Variants in TRANK1 observed in about 807,000 individuals in gnomAD.
TRANK1 encodes the protein TPR and ankyrin repeat-containing protein 1.
Under a neutral mutation model 266.0 loss-of-function variants are expected in TRANK1, and 198 were observed. The ratio of observed to expected loss-of-function variants is 0.74; its 90% CI spans 0.66 to 0.84. The LOEUF (loss-of-function observed/expected upper bound fraction) is 0.84. TRANK1 is among the 40% of genes least tolerant of loss of function. TRANK1 has a pLI of 0.00. For synonymous variants in TRANK1, 1,396 were observed against 1,384.1 expected, an observed-to-expected ratio of 1.01 and a Z score of -0.19; for missense variants, 3,326 against 3,634.6, an observed-to-expected ratio of 0.92 and a Z score of 2.18.
At chr3:36,941,163 C>T (rs2080491180) in intron 1 of TRANK1, among the ~76,000 whole-genome samples, 1 of 152,218 alleles carries the variant, frequency 6.6e-6, no homozygotes, top group Non-Finnish European at 1.5e-5. Flanking sequence ...TTGTGCACTA[C>T]TGGCCTGGTT....
chr3:36,844,943 A>G (rs2078895684), intron 17 of TRANK1, among the ~76,000 whole-genome samples: 1 of 152,176 alleles, frequency 6.6e-6, no homozygotes, highest in African/African-American at 2.4e-5. Context: ...CCCTCAAGAA[A>G]GACAACAATT....
At chr3:36,903,359 T>C in intron 2 of TRANK1, 84 bp from the exon 3 acceptor site, 1 of 1,466,850 alleles carries the variant, frequency 6.8e-7, no homozygotes, top group Non-Finnish European at 9.1e-7. Flanking sequence ...TGCTGGCTGC[T>C]GCCATCAGGA....
intron 4 of TRANK1, among the ~76,000 whole-genome samples, chr3:36,897,112 G>A (rs2079804148): frequency 6.6e-6 from 1 of 152,188 alleles, no homozygotes; most frequent in South Asian, 2.1e-4. Flanking sequence ...GACCAGCCTG[G>A]CTAACATAGT....
rs1391978095 is a variant in TRANK1, at chr3:36,879,918, ATG to A, written c.908-5624_908-5623del. Among the ~76,000 whole-genome samples, 6 of 61,778 alleles carry A rather than the reference ATG, an allele frequency of 9.7e-5. 1 individual carries two copies. Among genetic ancestry groups the A allele is most frequent in the African/African-American group, 2.8e-4 (3 of 10,576 alleles). The allele number at this position is 61,778 out of a possible 152,430, so 40.5% of individuals were successfully genotyped here. On this transcript the variant is annotated intron_variant, in intron 8 of 23. Transcript: ENST00000645898. The stretch of plus-strand genomic sequence containing the variant: ...CAAATATATGTAAACATGCAAATAT[ATG>A]TAAACATGCAAATATATGTAAACAT...
Position 36,857,528 on chromosome 3 carries a change from G to A in TRANK1, c.2194C>T (p.Leu732Phe). The change falls in exon 13 of 24, where the codon CTT (leucine) becomes TTT (phenylalanine). Residue 732 changes from leucine to phenylalanine, a missense_variant. Physicochemically the swap from Leu to Phe is conservative, Grantham distance 22. Coordinates refer to ENST00000645898, the MANE Select transcript of TRANK1 (RefSeq NM_001329998.2). The surrounding 1 kb of genome is among the most constrained non-coding windows in gnomAD (Gnocchi z 4.3). The stretch of plus-strand genomic sequence containing the variant: ...ATCAAAACTGTGATGTCCTGCATAA[G>A]GCAGTCTCTCAGCGAGCAGGGCCTG... ...ALRPCSLRDC[L>F]MQDITVLIQQ... The A allele has an allele frequency of 6.2e-7, 1 of 1,614,016 alleles. No homozygotes were observed. Among genetic ancestry groups the A allele is most frequent in the Non-Finnish European group, 8.5e-7 (1 of 1,179,870 alleles).
At chr3:36,889,528 G>C in intron 8 of TRANK1, among the ~76,000 whole-genome samples, 1 of 152,206 alleles carries the variant, frequency 6.6e-6, no homozygotes, top group Non-Finnish European at 1.5e-5. Flanking sequence ...GTAACCATGT[G>C]ATGAAGGAGG....
At chr3:36,889,500 T>C (rs941322352) in intron 8 of TRANK1, among the ~76,000 whole-genome samples, 1 of 152,212 alleles carries the variant, frequency 6.6e-6, no homozygotes. Flanking sequence ...AACACAGATT[T>C]GGCATAAAAT....
chr3:36,876,991 C>T (rs1039018848), intron 8 of TRANK1, among the ~76,000 whole-genome samples: 2 of 152,182 alleles, frequency 1.3e-5, no homozygotes, highest in African/African-American at 4.8e-5. Flanking sequence ...ATTGTAACAA[C>T]AAGCACCCAC....
chr3:36,852,731 C>T (rs915440252), intron 13 of TRANK1, among the ~76,000 whole-genome samples: 5 of 148,454 alleles, frequency 3.4e-5, no homozygotes, highest in South Asian at 4.3e-4. Context: ...GATCACACCT[C>T]AGCACACTCC....
intron 8 of TRANK1, among the ~76,000 whole-genome samples, chr3:36,885,063 C>G (rs1200467888): frequency 6.6e-6 from 1 of 151,908 alleles, no homozygotes; most frequent in Non-Finnish European, 1.5e-5. Flanking sequence ...AATTGGTGGG[C>G]AGAAGTTTGA....
At chr3:36,864,007 C>T (rs932796147) in intron 10 of TRANK1, among the ~76,000 whole-genome samples, 1 of 152,072 alleles carries the variant, frequency 6.6e-6, no homozygotes, top group African/African-American at 2.4e-5. Context: ...CTTTATACTC[C>T]AACATTAGCC....
chr3:36,905,070 C>A (rs1453374556), intron 2 of TRANK1, among the ~76,000 whole-genome samples: 1 of 151,692 alleles, frequency 6.6e-6, no homozygotes, highest in Non-Finnish European at 1.5e-5. Flanking sequence ...GGGCGGATCA[C>A]GAGGTCAGGA....
chr3:36,904,970 C>T (rs570857835), intron 2 of TRANK1, among the ~76,000 whole-genome samples: 53 of 152,000 alleles, frequency 3.5e-4, no homozygotes, highest in African/African-American at 1.3e-3. Flanking sequence ...TGAACTTCCC[C>T]CATCCCCAAC....
In TRANK1 at chr3:36,833,017, C is replaced by T. The variant is rs766864231; in HGVS notation, c.6566G>A (p.Arg2189Gln). 20 of 1,612,058 alleles carry T rather than the reference C, an allele frequency of 1.2e-5. No homozygotes were observed. Among genetic ancestry groups the T allele is most frequent in the Admixed American group, 3.3e-5 (2 of 59,730 alleles). Residue 2189 changes from arginine (R) to glutamine (Q), a missense_variant, in exon 22 of 24, where the codon CGA becomes CAA. By Grantham distance (43) the Arg-to-Gln change is conservative (BLOSUM62 1). Transcript: ENST00000645898. ...TACAATAAACCTCATGCAGACTCCT[C>T]GGTAGGTCTTCCCAAGCAGGCTCCG... ...ITRSLLGKTY[R>Q]GVCMRFIVGL...
At chr3:36,913,370 C>G (rs2080079917) in intron 1 of TRANK1, among the ~76,000 whole-genome samples, 1 of 151,330 alleles carries the variant, frequency 6.6e-6, no homozygotes, top group Non-Finnish European at 1.5e-5. Context: ...ATCTTTCTAT[C>G]TATCTTTCTT....
intron 9 of TRANK1, among the ~76,000 whole-genome samples, chr3:36,866,944 T>G (rs1460379260): frequency 6.6e-6 from 1 of 152,012 alleles, no homozygotes; most frequent in Non-Finnish European, 1.5e-5. Flanking sequence ...GGGCAAACAC[T>G]CATTGCCCAC....
intron 2 of TRANK1, among the ~76,000 whole-genome samples, chr3:36,906,050 G>A (rs2079962984): frequency 6.6e-6 from 1 of 152,210 alleles, no homozygotes; most frequent in Non-Finnish European, 1.5e-5. Context: ...TGTGGGGTCA[G>A]TCTACAACCA....
chr3:36,861,525 A>C (rs942136498), intron 10 of TRANK1, among the ~76,000 whole-genome samples: 6 of 152,140 alleles, frequency 3.9e-5, no homozygotes, highest in African/African-American at 1.2e-4. Context: ...AAATACAGAG[A>C]GATACTACAG....
At chr3:36,904,838 A>C (rs1013394364) in intron 2 of TRANK1, among the ~76,000 whole-genome samples, 1 of 152,134 alleles carries the variant, frequency 6.6e-6, no homozygotes, top group Non-Finnish European at 1.5e-5. Context: ...CAGTGCAGCC[A>C]TTCCCAGCTG....
Sources: allele counts gnomAD v4.1 joint callset (sites outside exome capture counted in the v4.1 genomes callset), GRCh38; gene constraint gnomAD v4.1.1; non-coding constraint Gnocchi (gnomAD v3.1); transcripts MANE v1.5; gene names NCBI Gene and HGNC (gene_info 2026-07-23, HGNC 2026-07-21).